FAM186B: variants seen among roughly 807,000 people sequenced by gnomAD.
FAM186B encodes the protein protein FAM186B.
A neutral mutation model predicts 83.4 loss-of-function variants in FAM186B; 68 were observed. That is an observed-to-expected ratio of 0.81 (90% CI 0.67 to 1.00). FAM186B has a LOEUF of 1.00. Among genes scored for constraint, FAM186B ranks in the 50% least tolerant of loss-of-function variants. The pLI, the probability that FAM186B is intolerant of heterozygous loss-of-function variation, is 0.00. For missense variants in FAM186B, 983 were observed against 1,099.2 expected, an observed-to-expected ratio of 0.89 and a Z score of 1.49; for synonymous variants, 389 against 422.0, an observed-to-expected ratio of 0.92 and a Z score of 0.96.
At chr12:49,609,172 G>A (rs1940061254), upstream of FAM186B, among the ~76,000 whole-genome samples, 1 of 152,136 alleles carries the variant, frequency 6.6e-6, no homozygotes, top group Non-Finnish European at 1.5e-5. Flanking sequence ...TTTCTCCTAG[G>A]CAACAAGATG....
chr12:49,606,486 G>GACACAC (rs57458344), upstream of FAM186B, among the ~76,000 whole-genome samples: 2,555 of 136,044 alleles, frequency 0.019, 31 homozygotes, highest in African/African-American at 0.032. Context: ...TAGATACCCT[G>GACACAC]ACACACACAC....
In FAM186B at chr12:49,588,515, G is replaced by A. The variant is rs544511372; in HGVS notation, c.2473C>T (p.Pro825Ser). The change falls in exon 6 of 7, where the codon CCC becomes TCC. Residue 825 changes from proline (P) to serine (S), a missense_variant. Physicochemically the swap from Pro to Ser is moderately conservative, Grantham distance 74. Transcript: ENST00000257894. ...GACAGAAAGGGCTGCTTGTAGGTGG[G>A]GCCACTGGGGCGGATGTGCCGGGGT... Reference protein sequence around the residue: ...ASPRHIRPSGPTYKQPFLSRH... With the variant: ...ASPRHIRPSGSTYKQPFLSRH... The A allele has an allele frequency of 1.2e-6, 2 of 1,613,486 alleles. No homozygotes were observed. The highest frequency in any genetic ancestry group is 2.2e-5 in the East Asian group (1 of 44,858).
intron 1 of FAM186B, chr12:49,605,060 G>T: frequency 1.4e-6 from 1 of 698,992 alleles, no homozygotes; most frequent in Non-Finnish European, 2.0e-6. Flanking sequence ...CTGGAGGGTT[G>T]CCAAGAACAG....
chr12:49,584,460 G>A (rs890264329), downstream of FAM186B: 2 of 701,050 alleles, frequency 2.9e-6, no homozygotes, highest in African/African-American at 3.5e-5. Context: ...AGAAGGTTGA[G>A]AATCACTGGC....
In FAM186B at chr12:49,603,085, A is replaced by G. The variant is rs1592555983; in HGVS notation, c.505+100T>C. ...ATCTCAAATCAAACTTCTGTGATGG[A>G]GGAGAATCAGAAAGACCCCAGGCCC... On this transcript the variant is annotated intron_variant, in intron 3 of 6. Transcript: ENST00000257894. 3 of 1,291,450 alleles carry G rather than the reference A, an allele frequency of 2.3e-6. No individual in the cohort carries two copies. The East Asian group carries it at 7.0e-5, about 30-fold the overall frequency. The allele number at this position is 1,291,450 out of a possible 1,614,324, so 80.0% of individuals were successfully genotyped here.
chr12:49,589,322 A>G (rs572965289), intron 5 of FAM186B, among the ~76,000 whole-genome samples: 13 of 152,162 alleles, frequency 8.5e-5, no homozygotes, highest in South Asian at 4.1e-4. Context: ...GGCTCCTCCA[A>G]TCCCTCCAAG....
the FAM186B span, among the ~76,000 whole-genome samples, chr12:49,610,789 CAAAA>C: frequency 3.1e-5 from 2 of 63,614 alleles, no homozygotes; most frequent in Non-Finnish European, 3.2e-5. Flanking sequence ...GACTCCATCT[CAAAA>C]AAAAAAAAAA....
At chr12:49,612,352 C>T in the FAM186B span, among the ~76,000 whole-genome samples, 2 of 147,792 alleles carry the variant, frequency 1.4e-5, no homozygotes, top group Non-Finnish European at 3.0e-5. Context: ...ATAAAACAGA[C>T]TTTAATCCAA....
In FAM186B at chr12:49,587,627, C is replaced by T. The variant is rs765816251; in HGVS notation, c.2660G>A (p.Arg887Gln). 4.9e-5 allele frequency: 79 copies of T among 1,613,342 alleles called. No homozygotes were observed. Among genetic ancestry groups the T allele is most frequent in the Non-Finnish European group, 6.3e-5 (74 of 1,180,002 alleles). ...GGACTACACGTCCAGTGTCAACAGC[C>T]GGGGAATATCTGGGTGTCCCCTCAG... ...DQLRGHPDIP[R>Q]LLTLDV Residue 887 changes from arginine to glutamine, a missense_variant, in exon 7 of 7, where the codon CGG becomes CAG. Arg to Gln is a conservative substitution (Grantham distance 43). Transcript: ENST00000257894.
intron 5 of FAM186B, 103 bp from the exon 6 acceptor site, chr12:49,588,726 G>C: frequency 2.5e-6 from 3 of 1,203,968 alleles, no homozygotes; most frequent in Non-Finnish European, 2.3e-6. Context: ...TGGACTCAGG[G>C]CTGAGTGGAG....
At chr12:49,613,566 G>A in the FAM186B span, among the ~76,000 whole-genome samples, 61 of 151,328 alleles carry the variant, frequency 4.0e-4, no homozygotes, top group African/African-American at 1.1e-3. Context: ...TTGGCCGGGC[G>A]CAGTGACTCA....
intron 2 of FAM186B, among the ~76,000 whole-genome samples, 188 bp from the exon 3 acceptor site, chr12:49,603,555 G>A (rs1939945489): frequency 6.6e-6 from 1 of 152,214 alleles, no homozygotes; most frequent in African/African-American, 2.4e-5. Context: ...AGAACTGCGT[G>A]AAGATTAAAT....
chr12:49,595,670 TC>T, intron 5 of FAM186B: 1 of 410,934 alleles, frequency 2.4e-6, no homozygotes, highest in African/African-American at 2.1e-5. Context: ...AAGTGAAGGC[TC>T]CACTAGTTCT....
rs1323890884 is a variant in FAM186B at position 49,600,349 on chromosome 12, T to C, written c.1291A>G (p.Arg431Gly). 6.2e-7 allele frequency: 1 copy of C among 1,614,090 alleles called. No homozygotes were observed. Among genetic ancestry groups the C allele is most frequent in the Non-Finnish European group, 8.5e-7 (1 of 1,180,046 alleles). The change falls in exon 4 of 7, where the codon AGA becomes GGA. Residue 431 changes from arginine (R) to glycine (G), a missense_variant. By Grantham distance (125) the Arg-to-Gly change is moderately radical. Transcript: ENST00000257894. The surrounding 1 kb of genome is among the most constrained non-coding windows in gnomAD (Gnocchi z 4.3). ...VDRRFPKKWERPVAESLGHKD... is the reference protein window; with the variant it reads ...VDRRFPKKWEGPVAESLGHKD... ...TGGCCTAAGCTTTCTGCCACCGGTC[T>C]TTCCCATTTCTTAGGAAACCTGCGA...
chr12:49,619,964 G>C, the FAM186B span, among the ~76,000 whole-genome samples: 1 of 151,972 alleles, frequency 6.6e-6, no homozygotes, highest in African/African-American at 2.4e-5. Flanking sequence ...ACAGGCATGA[G>C]CCACCGCGTC....
chr12:49,598,500 T>C (rs17123827), intron 5 of FAM186B, among the ~76,000 whole-genome samples: 2,542 of 152,258 alleles, frequency 0.017, 65 homozygotes, highest in African/African-American at 0.058. Context: ...ACAGATCTTT[T>C]TGAAGAGACA....
rs190866813 is a variant in FAM186B, at chr12:49,597,326, A to C, written c.2364+1429T>G. On this transcript the variant is annotated intron_variant, in intron 5 of 6. Coordinates refer to ENST00000257894, the MANE Select transcript of FAM186B (RefSeq NM_032130.3). ...TTTGCCACAATATGGTTGGCCCCGG[A>C]GGACATTATGCTAAGTGAAATATGC... 3.3e-4 allele frequency among the ~76,000 whole-genome samples: 51 copies of C among 152,332 alleles called. No individual in the cohort carries two copies. In the East Asian group the frequency reaches 9.4e-3, roughly 28 times the overall value.
chr12:49,602,712 G>A (rs907897173), intron 3 of FAM186B, among the ~76,000 whole-genome samples: 1 of 152,170 alleles, frequency 6.6e-6, no homozygotes, highest in Admixed American at 6.5e-5. Flanking sequence ...CAAAATGTAT[G>A]AGTTCGATAA....
downstream of FAM186B, among the ~76,000 whole-genome samples, chr12:49,585,741 G>A (rs867947286): frequency 1.8e-4 from 28 of 152,326 alleles, no homozygotes; most frequent in African/African-American, 6.0e-4. Flanking sequence ...AGGTCGGCAG[G>A]ACCACAAAGA....
Sources: allele counts gnomAD v4.1 joint callset (sites outside exome capture counted in the v4.1 genomes callset), GRCh38; gene constraint gnomAD v4.1.1; non-coding constraint Gnocchi (gnomAD v3.1); transcripts MANE v1.5; gene names NCBI Gene and HGNC (gene_info 2026-07-23, HGNC 2026-07-21).